Variants in PHC3 observed in about 807,000 individuals in gnomAD.
The protein encoded by PHC3 is polyhomeotic-like protein 3.
A neutral mutation model predicts 107.4 loss-of-function variants in PHC3; 13 were observed. The ratio of observed to expected loss-of-function variants is 0.12; its 90% CI spans 0.08 to 0.19. PHC3 has a LOEUF of 0.19. Ranked by LOEUF, PHC3 falls within the 10% of genes least tolerant of loss-of-function variation. The pLI, the probability that PHC3 is intolerant of heterozygous loss-of-function variation, is 1.00. For synonymous variants in PHC3, 456 were observed against 427.4 expected (o/e 1.07, Z -0.83); for missense variants, 992 against 1,210.9 (o/e 0.82, Z 2.68).
In PHC3 at chr3:170,113,492, G is replaced by C. The variant is rs1361723355; in HGVS notation, c.2221C>G (p.Gln741Glu). 3 of 1,609,496 alleles carry C rather than the reference G, an allele frequency of 1.9e-6. No individual in the cohort carries two copies. Among genetic ancestry groups the C allele is most frequent in the Middle Eastern group, 1.7e-4 (1 of 6,034 alleles). Reference protein sequence around the residue: ...PVSRSSLLIEQPVKKRPLLDN... With the variant: ...PVSRSSLLIEEPVKKRPLLDN... ...AAAAGAGGCCGTTTTTTCACAGGCTGTTCTATTAGCAAAGAGGAACGACTC... is the reference window on the plus strand; with the variant it reads ...AAAAGAGGCCGTTTTTTCACAGGCTCTTCTATTAGCAAAGAGGAACGACTC... The change falls in exon 11 of 15, where the codon CAG (glutamine) becomes GAG (glutamate). Residue 741 changes from glutamine to glutamate, a missense_variant. This residue lies in a region of PHC3 where 228 missense variants were observed against 288.8 expected (regional missense o/e 0.79). Coordinates refer to ENST00000495893, the MANE Select transcript of PHC3 (RefSeq NM_024947.4).
At chr3:170,098,561 G>C (rs901290629) in intron 14 of PHC3, among the ~76,000 whole-genome samples, 5 of 152,004 alleles carry the variant, frequency 3.3e-5, no homozygotes, top group Non-Finnish European at 5.9e-5. Context: ...AGCATTATAG[G>C]TACTGAATAC....
At chr3:170,151,668 A>C (rs1726006952) in intron 4 of PHC3, among the ~76,000 whole-genome samples, 1 of 152,224 alleles carries the variant, frequency 6.6e-6, no homozygotes, top group Admixed American at 6.5e-5. Context: ...CCAATATGTA[A>C]GAAGGAGCTG....
chr3:170,123,591 A>G (rs1720773668), intron 8 of PHC3, among the ~76,000 whole-genome samples: 1 of 151,852 alleles, frequency 6.6e-6, no homozygotes, highest in Admixed American at 6.6e-5. Flanking sequence ...GAGTTCCACA[A>G]CAGCCTGGCC....
intron 8 of PHC3, among the ~76,000 whole-genome samples, chr3:170,127,465 C>A (rs551197946): frequency 6.6e-6 from 1 of 152,214 alleles, no homozygotes; most frequent in East Asian, 1.9e-4. Flanking sequence ...CTACACCCAG[C>A]CAAGTTCTGC....
intron 14 of PHC3, chr3:170,102,124 A>C: frequency 1.0e-6 from 1 of 979,790 alleles, no homozygotes; most frequent in Non-Finnish European, 1.2e-6. Flanking sequence ...GGAATAGAAT[A>C]GAAAAATAGA....
intron 4 of PHC3, among the ~76,000 whole-genome samples, chr3:170,153,490 G>A (rs1057264910): frequency 9.9e-5 from 15 of 152,030 alleles, no homozygotes; most frequent in Non-Finnish European, 1.3e-4. Flanking sequence ...GAGGCCGGGC[G>A]CGGTGGCTCA....
At chr3:170,159,239 G>A (rs865904471) in intron 4 of PHC3, among the ~76,000 whole-genome samples, 6 of 132,530 alleles carry the variant, frequency 4.5e-5, no homozygotes, top group East Asian at 2.2e-4. Flanking sequence ...AAGACAGAGC[G>A]AGACTCGGTC....
intron 12 of PHC3, among the ~76,000 whole-genome samples, chr3:170,105,087 G>T (rs1330504563): frequency 6.6e-6 from 1 of 152,130 alleles, no homozygotes; most frequent in Non-Finnish European, 1.5e-5. Context: ...GGATACTAAT[G>T]TGACAGCTCA....
intron 5 of PHC3, chr3:170,148,794 G>GA (rs1228372000): frequency 2.9e-5 from 6 of 209,696 alleles, no homozygotes; most frequent in Non-Finnish European, 5.7e-5. Context: ...ATTAAAATAT[G>GA]AAAAAAAGGT....
chr3:170,171,963 T>C (rs2108753052), intron 3 of PHC3, among the ~76,000 whole-genome samples: 1 of 152,294 alleles, frequency 6.6e-6, no homozygotes, highest in Non-Finnish European at 1.5e-5. Context: ...AATAGTACAA[T>C]AGTAACAAAA....
chr3:170,099,355 ATAGT>A (rs1715093085), intron 14 of PHC3, among the ~76,000 whole-genome samples: 1 of 152,216 alleles, frequency 6.6e-6, no homozygotes, highest in Non-Finnish European at 1.5e-5. Context: ...CAAAAAAAGT[ATAGT>A]TACATCAGTA....
At position 170,128,749 on chromosome 3, in the gene PHC3, G is replaced by A; in HGVS notation, c.1723C>T (p.Pro575Ser). 6.2e-7 allele frequency: 1 copy of A among 1,614,020 alleles called. No homozygotes were observed. The highest frequency in any genetic ancestry group is 8.5e-7 in the Non-Finnish European group (1 of 1,179,892). The change falls in exon 8 of 15, where the codon CCT (proline) becomes TCT (serine). Residue 575 changes from proline to serine, a missense_variant. Pro to Ser is a moderately conservative substitution (Grantham distance 74). Transcript: ENST00000495893. ...ALVQLPFQTLPPPQTVAVNLQ... is the reference protein window; with the variant it reads ...ALVQLPFQTLSPPQTVAVNLQ... ...TTTACCGCAACAGTCTGTGGAGGAGGAAGAGTCTGAAATGGCAACTGGACC... is the reference window on the plus strand; with the variant it reads ...TTTACCGCAACAGTCTGTGGAGGAGAAAGAGTCTGAAATGGCAACTGGACC...
chr3:170,129,841 A>C (rs112059783), intron 7 of PHC3, among the ~76,000 whole-genome samples: 40 of 152,184 alleles, frequency 2.6e-4, no homozygotes, highest in African/African-American at 9.6e-4. Flanking sequence ...CTGGGATTAC[A>C]GGTGCCCGCT....
In PHC3 at chr3:170,102,667, T is replaced by A; in HGVS notation, c.2645A>T (p.His882Leu). Residue 882 changes from histidine to leucine, a missense_variant, in exon 14 of 15, where the codon CAT (histidine) becomes CTT (leucine). Physicochemically the swap from His to Leu is moderately conservative, Grantham distance 99 (BLOSUM62 -3). Around this residue, in one of 6 missense-constraint regions of PHC3, gnomAD observed 228 missense variants for 288.8 expected, o/e 0.79. Coordinates refer to ENST00000495893, the MANE Select transcript of PHC3 (RefSeq NM_024947.4). Reference sequence around the variant, plus strand: ...CATAGCAGATGGCACAGAATCTTCATGAGAAGCCAAGTCTTCTTCTGCAGA... The same window carrying A: ...CATAGCAGATGGCACAGAATCTTCAAGAGAAGCCAAGTCTTCTTCTGCAGA... ...YPSAEEDLAS[H>L]EDSVPSAMTT... The A allele has an allele frequency of 6.2e-7, 1 of 1,613,958 alleles. No homozygotes were observed. Among genetic ancestry groups the A allele is most frequent in the Non-Finnish European group, 8.5e-7 (1 of 1,179,856 alleles).
At position 170,091,905 on chromosome 3, in the gene PHC3, T is replaced by C. The variant is rs1714132570; in HGVS notation, c.*5325A>G. 1 of 152,226 alleles carries C rather than the reference T, an allele frequency of 6.6e-6. No individual in the cohort carries two copies. The highest frequency in any genetic ancestry group is 1.5e-5 in the Non-Finnish European group (1 of 68,040). 9.4% of individuals were successfully genotyped at this position (152,226 alleles called of 1,614,324 possible). On this transcript the variant is annotated 3_prime_UTR_variant, in exon 15 of 15. Coordinates refer to ENST00000495893, the MANE Select transcript of PHC3 (RefSeq NM_024947.4). ...CCAAAGAAGGTAATCTAATTTTAAA[T>C]TTATTTGAAGAAAGCTTATATAACT...
At chr3:170,114,520 G>A (rs916445466) in intron 10 of PHC3, among the ~76,000 whole-genome samples, 3 of 152,132 alleles carry the variant, frequency 2.0e-5, no homozygotes, top group Non-Finnish European at 2.9e-5. Context: ...ACAGAATGAG[G>A]ACTAGAACTC....
chr3:170,178,214 G>A (rs181977497), intron 2 of PHC3, among the ~76,000 whole-genome samples: 17 of 146,450 alleles, frequency 1.2e-4, no homozygotes, highest in East Asian at 6.1e-4. Flanking sequence ...CGCGATCTCC[G>A]CTCACTGCAA....
At position 170,146,067 on chromosome 3, in the gene PHC3, T is replaced by C. The variant is rs183954841; in HGVS notation, c.574-546A>G. The stretch of plus-strand genomic sequence containing the variant: ...CCAGGTTGCCCTTTCATTTTAAAAC[T>C]ATTTGTAAAGAAATATTCATTCTAT... On this transcript the variant is annotated intron_variant, in intron 5 of 14. Coordinates refer to ENST00000495893, the MANE Select transcript of PHC3 (RefSeq NM_024947.4). 1.1e-3 allele frequency among the ~76,000 whole-genome samples: 172 copies of C among 152,322 alleles called. 1 individual carries two copies. Among genetic ancestry groups the C allele is most frequent in the African/African-American group, 4.0e-3 (167 of 41,570 alleles).
rs117201630 is a variant in PHC3, at chr3:170,128,097, C to A, written c.1788+587G>T. ...TAAGTTTAATAATTCTATAAGATGG[C>A]CTACAGTTAAATTTTTGGCAAAGCT... On this transcript the variant is annotated intron_variant, in intron 8 of 14. Coordinates refer to ENST00000495893, the MANE Select transcript of PHC3 (RefSeq NM_024947.4). 2.6e-4 allele frequency among the ~76,000 whole-genome samples: 40 copies of A among 152,086 alleles called. No individual in the cohort carries two copies. In the East Asian group the frequency reaches 7.7e-3, roughly 29 times the overall value.
Sources: allele counts gnomAD v4.1 joint callset (sites outside exome capture counted in the v4.1 genomes callset), GRCh38; gene constraint gnomAD v4.1.1; regional missense constraint gnomAD v4.1.1; transcripts MANE v1.5; gene names NCBI Gene and HGNC (gene_info 2026-07-23, HGNC 2026-07-21).